The following UBE2E3 variants were observed in gnomAD, a reference collection of about 807,000 sequenced individuals.
UBE2E3 encodes ubiquitin conjugating enzyme E2 E3.
UBE2E3 carries 5 observed loss-of-function variants against 23.6 expected under a neutral mutation model. The observed-to-expected ratio is 0.21, with a 90% CI of 0.11 to 0.44. The LOEUF (loss-of-function observed/expected upper bound fraction) is 0.44, where lower values mean the gene tolerates loss of function less well. Among genes scored for constraint, UBE2E3 ranks in the 20% least tolerant of loss-of-function variants. The pLI is 0.99. For missense variants in UBE2E3, 81 were observed against 249.8 expected (o/e 0.32, Z 4.55); for synonymous variants, 78 against 87.5 (o/e 0.89, Z 0.60).
At chr2:181,043,110 A>C (rs1481998236) in intron 3 of UBE2E3, among the ~76,000 whole-genome samples, 1 of 152,192 alleles carries the variant, frequency 6.6e-6, no homozygotes, top group Non-Finnish European at 1.5e-5. Context: ...AAAAGTATAT[A>C]ACAGGTTGAG....
At chr2:180,993,982 A>G (rs1179984911) in intron 3 of UBE2E3, among the ~76,000 whole-genome samples, 2 of 152,194 alleles carry the variant, frequency 1.3e-5, no homozygotes, top group African/African-American at 4.8e-5. Flanking sequence ...TGGTATCACA[A>G]TGAGAAGAAA....
intron 3 of UBE2E3, among the ~76,000 whole-genome samples, chr2:181,010,201 A>G (rs1259104771): frequency 6.6e-6 from 1 of 152,110 alleles, no homozygotes; most frequent in Non-Finnish European, 1.5e-5. Flanking sequence ...ATTATTTTAT[A>G]TTATTAATTG....
At chr2:181,035,587 G>A (rs1049960976) in intron 3 of UBE2E3, among the ~76,000 whole-genome samples, 5 of 152,092 alleles carry the variant, frequency 3.3e-5, no homozygotes, top group African/African-American at 1.2e-4. Context: ...TACATAGCAA[G>A]CTTGTTCAAC....
chr2:181,024,352 A>G (rs770354538), intron 3 of UBE2E3, among the ~76,000 whole-genome samples: 1 of 152,122 alleles, frequency 6.6e-6, no homozygotes, highest in Non-Finnish European at 1.5e-5. Context: ...CCATCCTATT[A>G]TCCACTCACC....
intron 3 of UBE2E3, chr2:180,987,456 G>A (rs1334575672): frequency 2.3e-5 from 35 of 1,504,358 alleles, no homozygotes; most frequent in Non-Finnish European, 3.0e-5. Flanking sequence ...CAAATATACT[G>A]ACGAATATTT....
chr2:181,009,299 A>T (rs1451165442), intron 3 of UBE2E3, among the ~76,000 whole-genome samples: 2 of 152,136 alleles, frequency 1.3e-5, no homozygotes, highest in Non-Finnish European at 2.9e-5. Flanking sequence ...TATACTATTT[A>T]TCTATAAAAC....
chr2:180,990,924 T>C (rs1409116215), intron 3 of UBE2E3, among the ~76,000 whole-genome samples: 1 of 152,242 alleles, frequency 6.6e-6, no homozygotes, highest in Admixed American at 6.5e-5. Context: ...CAGATGTGTT[T>C]CAGAATGCAG....
At chr2:181,041,458 T>G (rs1006548109) in intron 3 of UBE2E3, among the ~76,000 whole-genome samples, 3 of 151,612 alleles carry the variant, frequency 2.0e-5, no homozygotes, top group African/African-American at 7.3e-5. Context: ...TTTTTTTTTT[T>G]GAGATGGAGT....
intron 3 of UBE2E3, among the ~76,000 whole-genome samples, chr2:181,026,176 G>T (rs1433405083): frequency 6.6e-6 from 1 of 151,708 alleles, no homozygotes; most frequent in Non-Finnish European, 1.5e-5. Context: ...GAAACCCTTT[G>T]GAGGATTAAG....
chr2:180,984,988 G>C (rs1282450416), intron 3 of UBE2E3, among the ~76,000 whole-genome samples: 1 of 152,064 alleles, frequency 6.6e-6, no homozygotes, highest in Non-Finnish European at 1.5e-5. Flanking sequence ...GGTTTGATAG[G>C]ACAATGTTTT....
At position 181,061,331 on chromosome 2, in the gene UBE2E3, G is replaced by A; in HGVS notation, c.526+519G>A. On this transcript the variant is annotated intron_variant, in intron 5 of 5. Coordinates refer to ENST00000410062, the MANE Select transcript of UBE2E3 (RefSeq NM_006357.4). ...GTAGAGACGGGGTTTCACCTTGTTA[G>A]CCAGGATGGTCTCGATCTCTTGACC... Among the ~76,000 whole-genome samples the A allele has an allele frequency of 1.4e-4, 2 of 14,138 alleles. 1 individual carries two copies. The highest frequency in any genetic ancestry group is 8.3e-4 in the African/African-American group (2 of 2,408). 9.3% of individuals were successfully genotyped at this position (14,138 alleles called of 152,430 possible).
chr2:180,986,450 C>T (rs7559803), intron 3 of UBE2E3, among the ~76,000 whole-genome samples: 118,231 of 152,000 alleles, frequency 0.78, 46,254 homozygotes, highest in East Asian at 0.88. Context: ...TGTTTTAGAA[C>T]TTTGACAAAT....
intron 3 of UBE2E3, among the ~76,000 whole-genome samples, chr2:181,011,726 T>G (rs1358780512): frequency 2.0e-5 from 3 of 152,166 alleles, no homozygotes; most frequent in African/African-American, 4.8e-5. Context: ...ATTCAGGTCC[T>G]CTGGCAAGTA....
rs1684318988 is a variant in UBE2E3 at position 180,982,216 on chromosome 2, G to A, written c.174G>A (p.Lys58=). The change falls in exon 2 of 6, where the codon AAG becomes AAA. Residue 58 remains lysine, a synonymous_variant. Transcript: ENST00000410062. The stretch of plus-strand genomic sequence containing the variant: ...AACTCTCTAGCAAAACCACTGCTAA[G>A]TTATCCACTAGTGCTAAAAGGTAAT... ...NTKLSSKTTA[K]LSTSAKRIQK... is the part of the protein sequence containing the mutation. 1.9e-6 allele frequency: 3 copies of A among 1,611,702 alleles called. No homozygotes were observed. The highest frequency in any genetic ancestry group is 2.7e-5 in the African/African-American group (2 of 74,608).
chr2:181,058,071 C>T (rs533494874), intron 4 of UBE2E3, among the ~76,000 whole-genome samples: 1 of 151,718 alleles, frequency 6.6e-6, no homozygotes, highest in Non-Finnish European at 1.5e-5. Flanking sequence ...ATCAATAAAG[C>T]AGATAAATTT....
intron 3 of UBE2E3, among the ~76,000 whole-genome samples, chr2:180,999,262 A>G (rs1684925050): frequency 4.6e-5 from 7 of 152,208 alleles, no homozygotes; most frequent in Admixed American, 4.6e-4. Context: ...ACAGTAGGCT[A>G]AAGAAGAAAA....
At chr2:181,012,244 C>CA (rs948499501) in intron 3 of UBE2E3, among the ~76,000 whole-genome samples, 1 of 152,116 alleles carries the variant, frequency 6.6e-6, no homozygotes, top group Non-Finnish European at 1.5e-5. Context: ...ACATGTATAA[C>CA]AAAGTATACA....
intron 5 of UBE2E3, among the ~76,000 whole-genome samples, 175 bp downstream of exon 5, chr2:181,060,987 T>C (rs2292856): frequency 0.038 from 5,637 of 150,240 alleles, 294 homozygotes; most frequent in East Asian, 0.19. Context: ...TGAAGTAGAC[T>C]AGGCCAAAAG....
intron 3 of UBE2E3, among the ~76,000 whole-genome samples, chr2:181,024,158 A>G (rs2105632588): frequency 6.6e-6 from 1 of 152,222 alleles, no homozygotes; most frequent in South Asian, 2.1e-4. Context: ...TTCAGCATTG[A>G]GTCCCCAAAG....
Sources: allele counts gnomAD v4.1 joint callset (sites outside exome capture counted in the v4.1 genomes callset), GRCh38; gene constraint gnomAD v4.1.1; transcripts MANE v1.5; gene names NCBI Gene and HGNC (gene_info 2026-07-23, HGNC 2026-07-21).